FAM184A: variants seen among roughly 807,000 people sequenced by gnomAD.
FAM184A encodes the protein family with sequence similarity 184 member A, also known as protein FAM184A.
FAM184A carries 99 observed loss-of-function variants against 143.8 expected under a neutral mutation model. That is an observed-to-expected ratio of 0.69 (90% confidence interval 0.58 to 0.81). The LOEUF is 0.81. Among genes scored for constraint, FAM184A ranks in the 40% least tolerant of loss-of-function variants. The pLI is 0.00. For synonymous variants in FAM184A, 427 were observed against 446.4 expected (o/e 0.96, Z 0.55); for missense variants, 1,217 against 1,310.5 (o/e 0.93, Z 1.10).
chr6:119,090,941 C>T (rs1219910420), intron 1 of FAM184A, among the ~76,000 whole-genome samples: 1 of 152,168 alleles, frequency 6.6e-6, no homozygotes, highest in African/African-American at 2.4e-5. Flanking sequence ...CTTTCGAGAT[C>T]TAGAAATACT....
chr6:118,963,736 T>A (rs977091797), intron 16 of FAM184A: 1 of 151,930 alleles, frequency 6.6e-6, no homozygotes, highest in Non-Finnish European at 1.5e-5. Flanking sequence ...ATTTCTGCCA[T>A]AAGATTCATA....
At chr6:119,071,447 TATTATGAC>T (rs1353206930) in intron 1 of FAM184A, among the ~76,000 whole-genome samples, 1 of 152,166 alleles carries the variant, frequency 6.6e-6, no homozygotes, top group African/African-American at 2.4e-5. Flanking sequence ...AACATGAAAA[TATTATGAC>T]ATTTAGCTGA....
intron 5 of FAM184A, among the ~76,000 whole-genome samples, chr6:119,014,710 A>T (rs570557468): frequency 1.3e-5 from 2 of 152,326 alleles, no homozygotes; most frequent in South Asian, 4.1e-4. Context: ...ACTACCAGGT[A>T]TGTTACTCTT....
chr6:119,084,778 T>G (rs566817759), intron 1 of FAM184A, among the ~76,000 whole-genome samples: 12 of 152,360 alleles, frequency 7.9e-5, no homozygotes, highest in African/African-American at 2.6e-4. Flanking sequence ...CCATACACCC[T>G]CTGAAATCTA....
intron 1 of FAM184A, among the ~76,000 whole-genome samples, chr6:119,084,775 C>A (rs1459339819): frequency 1.3e-5 from 2 of 152,246 alleles, no homozygotes; most frequent in African/African-American, 4.8e-5. Flanking sequence ...TTTCCATACA[C>A]CCTCTGAAAT....
intron 1 of FAM184A, among the ~76,000 whole-genome samples, chr6:119,135,278 T>C (rs1165040735): frequency 6.6e-6 from 1 of 152,074 alleles, no homozygotes; most frequent in Non-Finnish European, 1.5e-5. Flanking sequence ...CATAAAAATA[T>C]ACAGAAAAGA....
chr6:118,980,047 CA>C, intron 10 of FAM184A, 90 bp downstream of exon 10: 5 of 1,074,216 alleles, frequency 4.7e-6, no homozygotes, highest in Non-Finnish European at 6.7e-6. Flanking sequence ...GACCCTGTCT[CA>C]AAAAATAGAA....
intron 17 of FAM184A, among the ~76,000 whole-genome samples, chr6:118,961,155 T>A (rs532867910): frequency 1.3e-5 from 2 of 152,228 alleles, no homozygotes; most frequent in African/African-American, 4.8e-5. Context: ...GCTAAATTTC[T>A]AATGAAATTT....
In FAM184A at chr6:119,020,036, C is replaced by G; in HGVS notation, c.1274G>C (p.Arg425Pro). 1 of 1,604,776 alleles carries G rather than the reference C, an allele frequency of 6.2e-7. No homozygotes were observed. The highest frequency in any genetic ancestry group is 8.5e-7 in the Non-Finnish European group (1 of 1,177,058). The stretch of plus-strand genomic sequence containing the variant: ...TTCATCCAGACTTTGGGTTTTGCTT[C>G]GCAAAAAAGCTCTTTCCTCTTCAAG... ...SQLEEERAFL[R>P]SKTQSLDEEQ... The change falls in exon 4 of 18, where the codon CGA becomes CCA. Residue 425 changes from arginine (R) to proline (P), a missense_variant. Transcript: ENST00000338891.
chr6:119,131,303 A>C (rs1789528295), intron 1 of FAM184A, among the ~76,000 whole-genome samples: 1 of 151,680 alleles, frequency 6.6e-6, no homozygotes, highest in African/African-American at 2.4e-5. Flanking sequence ...GGATTAATTA[A>C]ATAAAACAAT....
At chr6:119,102,569 C>A (rs1582617774) in intron 1 of FAM184A, among the ~76,000 whole-genome samples, 1 of 151,850 alleles carries the variant, frequency 6.6e-6, no homozygotes, top group South Asian at 2.1e-4. Flanking sequence ...AGGTAGATCA[C>A]CTGAGGTCAG....
At chr6:119,140,726 C>T (rs139925857) in intron 1 of FAM184A, among the ~76,000 whole-genome samples, 2 of 152,174 alleles carry the variant, frequency 1.3e-5, no homozygotes, top group African/African-American at 2.4e-5. Context: ...TCCTTTCCCA[C>T]ACTCCAAGCA....
chr6:119,085,616 C>A (rs111954879), intron 1 of FAM184A, among the ~76,000 whole-genome samples: 5,988 of 152,328 alleles, frequency 0.039, 265 homozygotes, highest in African/African-American at 0.11. Context: ...TCCAAAGTCA[C>A]TTCCACATTT....
At chr6:118,975,800 A>G in intron 12 of FAM184A, 117 bp downstream of exon 12, 1 of 994,294 alleles carries the variant, frequency 1.0e-6, no homozygotes, top group Non-Finnish European at 1.5e-6. Flanking sequence ...TCTTCAATAT[A>G]AATAGAATGT....
intron 1 of FAM184A, among the ~76,000 whole-genome samples, chr6:119,085,217 C>A (rs1788186425): frequency 6.6e-6 from 1 of 152,092 alleles, no homozygotes; most frequent in South Asian, 2.1e-4. Context: ...ATGTAAGTTC[C>A]AGTTTCAGAT....
At chr6:118,969,809 CGT>C (rs1491505160) in intron 14 of FAM184A, among the ~76,000 whole-genome samples, 13 of 146,432 alleles carry the variant, frequency 8.9e-5, no homozygotes, top group Admixed American at 2.1e-4. Context: ...CCCCCCACCC[CGT>C]GACAGGCCCT....
At chr6:119,116,598 G>A (rs541035727) in intron 1 of FAM184A, among the ~76,000 whole-genome samples, 1 of 152,346 alleles carries the variant, frequency 6.6e-6, no homozygotes, top group South Asian at 2.1e-4. Context: ...TAGTGGAGGA[G>A]AAAAGCAGGT....
chr6:119,081,697 G>A (rs147822678), upstream of FAM184A, among the ~76,000 whole-genome samples: 1,635 of 152,324 alleles, frequency 0.011, 27 homozygotes, highest in Middle Eastern at 0.054. Flanking sequence ...TAGCCAGAAG[G>A]GAGATGGTTT....
chr6:119,011,157 C>A (rs1785076668), intron 6 of FAM184A, 152 bp downstream of exon 6: 1 of 594,540 alleles, frequency 1.7e-6, no homozygotes, highest in Non-Finnish European at 2.7e-6. Flanking sequence ...ATCAGAGTGT[C>A]ATGAAAAATT....
Sources: gnomAD v4.1 joint callset for allele counts (sites outside exome capture counted in the v4.1 genomes callset) on GRCh38, gnomAD v4.1.1 for gene constraint, MANE v1.5 for transcripts, NCBI Gene and HGNC (gene_info 2026-07-23, HGNC 2026-07-21) for gene names.